The following CNGA3 variants were observed in gnomAD, a reference collection of about 807,000 sequenced individuals.
The protein encoded by CNGA3 is cyclic nucleotide-gated channel alpha-3.
Under a neutral mutation model 46.6 loss-of-function variants are expected in CNGA3, and 42 were observed. The observed-to-expected ratio is 0.90, with a 90% CI of 0.70 to 1.17. The LOEUF (loss-of-function observed/expected upper bound fraction) is 1.17. CNGA3 is among the 50% of genes most tolerant of loss of function. The probability of loss-of-function intolerance (pLI) is 0.00; values close to 1 mark genes in which losing one functional copy is unlikely to be tolerated. For missense variants in CNGA3, 893 were observed against 890.7 expected (o/e 1.00, Z -0.03); for synonymous variants, 394 against 369.4 (o/e 1.07, Z -0.76).
At chr2:98,361,012 TTTTATTTTA>T (rs1471331391) in intron 1 of CNGA3, among the ~76,000 whole-genome samples, 3 of 113,244 alleles carry the variant, frequency 2.6e-5, no homozygotes, top group African/African-American at 9.1e-5. Flanking sequence ...TTTTATTTTA[TTTTATTTTA>T]TTTATTTTAT....
At chr2:98,384,416 G>A (rs76493080) in intron 5 of CNGA3, among the ~76,000 whole-genome samples, 2 of 152,186 alleles carry the variant, frequency 1.3e-5, no homozygotes, top group African/African-American at 4.8e-5. Context: ...ATATCAGTGA[G>A]AAATGCCGAT....
chr2:98,355,773 T>C (rs1225746571), intron 1 of CNGA3: 2 of 152,310 alleles, frequency 1.3e-5, no homozygotes, highest in African/African-American at 4.8e-5. Context: ...AATAAGGCCA[T>C]TTCTATTATT....
At chr2:98,358,592 C>G (rs1558803899) in intron 1 of CNGA3, among the ~76,000 whole-genome samples, 2 of 152,080 alleles carry the variant, frequency 1.3e-5, no homozygotes, top group East Asian at 3.9e-4. Flanking sequence ...CTCCATTGGA[C>G]AAATAATGAA....
At position 98,396,085 on chromosome 2, in the gene CNGA3, C is replaced by G. The variant is rs774303963; in HGVS notation, c.915C>G (p.Asn305Lys). 2.5e-6 allele frequency: 4 copies of G among 1,614,242 alleles called. No individual in the cohort carries two copies. The East Asian group carries it at 6.7e-5, about 27-fold the overall frequency. ...TNYPNMFRIGNLVLYILIIIH... is the reference protein window; with the variant it reads ...TNYPNMFRIGKLVLYILIIIH... ...ACCCCAATATGTTCAGGATTGGGAA[C>G]TTGGTCTTGTACATTCTCATCATCA... The change falls in exon 8 of 8, where the codon AAC (asparagine) becomes AAG (lysine). Residue 305 changes from asparagine (N) to lysine (K), a missense_variant. Coordinates refer to ENST00000272602, the MANE Select transcript of CNGA3 (RefSeq NM_001298.3).
chr2:98,374,590 A>G (rs773743544), intron 2 of CNGA3, among the ~76,000 whole-genome samples: 1 of 152,218 alleles, frequency 6.6e-6, no homozygotes, highest in Non-Finnish European at 1.5e-5. Flanking sequence ...TTTTTTCGGT[A>G]CCTGTGTGTC....
intron 1 of CNGA3, among the ~76,000 whole-genome samples, chr2:98,358,289 G>A (rs766517062): frequency 6.6e-6 from 1 of 152,184 alleles, no homozygotes; most frequent in Non-Finnish European, 1.5e-5. Context: ...AAATAATTAA[G>A]AGTAAAATTT....
chr2:98,365,042 C>T (rs966594418), intron 1 of CNGA3, among the ~76,000 whole-genome samples: 1 of 132,704 alleles, frequency 7.5e-6, no homozygotes, highest in Admixed American at 8.1e-5. Flanking sequence ...CTGCCCTTAA[C>T]ATTTTTTTTT....
At chr2:98,368,483 C>T (rs892510293) in intron 1 of CNGA3, among the ~76,000 whole-genome samples, 41 of 152,238 alleles carry the variant, frequency 2.7e-4, no homozygotes, top group Admixed American at 2.7e-3. Context: ...TGGCCAATCA[C>T]ACCAGCCCTG....
Position 98,397,232 on chromosome 2 carries a change from A to G in CNGA3, c.2062A>G (p.Lys688Glu). Residue 688 changes from lysine (K) to glutamate (E), a missense_variant, in exon 8 of 8, where the codon AAA becomes GAA. Lys to Glu is a moderately conservative substitution (Grantham distance 56). Transcript: ENST00000272602. ...TGGGGAAGTTCCCGGGGATGCTACA[A>G]AAACAGAGGACAAACAACAGTGAAA... Reference protein sequence around the residue: ...ADGEVPGDATKTEDKQQ With the variant: ...ADGEVPGDATETEDKQQ The G allele has an allele frequency of 6.2e-7, 1 of 1,613,874 alleles. No homozygotes were observed. Among genetic ancestry groups the G allele is most frequent in the South Asian group, 1.1e-5 (1 of 91,088 alleles).
rs980089967 is a variant in CNGA3 at position 98,377,790 on chromosome 2, G to A, written c.205G>A (p.Gly69Arg). ...DSGQGSFTGQGIARLSRLIFL... is the reference protein window; with the variant it reads ...DSGQGSFTGQRIARLSRLIFL... The stretch of plus-strand genomic sequence containing the variant: ...CGGGCAGGGCTCCTTCACCGGCCAG[G>A]GGATCGCCAGGTAACTGACCAGCCT... The change falls in exon 3 of 8, where the codon GGG (glycine) becomes AGG (arginine). Residue 69 changes from glycine (G) to arginine (R), a missense_variant. Gly to Arg is a moderately radical substitution (Grantham distance 125, BLOSUM62 -2). Coordinates refer to ENST00000272602, the MANE Select transcript of CNGA3 (RefSeq NM_001298.3). The A allele has an allele frequency of 1.2e-5, 19 of 1,610,612 alleles. No individual in the cohort carries two copies. The highest frequency in any genetic ancestry group is 2.2e-5 in the South Asian group (2 of 90,350).
chr2:98,349,198 G>A (rs915207264), intron 1 of CNGA3, among the ~76,000 whole-genome samples: 1 of 152,088 alleles, frequency 6.6e-6, no homozygotes, highest in African/African-American at 2.4e-5. Flanking sequence ...GGCCTGAAAG[G>A]GAGGCTGGAA....
At chr2:98,369,412 G>A (rs1057381070) in intron 1 of CNGA3, among the ~76,000 whole-genome samples, 2 of 152,208 alleles carry the variant, frequency 1.3e-5, no homozygotes, top group South Asian at 2.1e-4. Flanking sequence ...CAAAGTTACT[G>A]TAAGGATTAA....
intron 1 of CNGA3, among the ~76,000 whole-genome samples, chr2:98,350,240 T>A (rs1380322541): frequency 6.6e-6 from 1 of 152,232 alleles, no homozygotes; most frequent in Non-Finnish European, 1.5e-5. Context: ...ATAATTATAA[T>A]GCCTTCCTCA....
chr2:98,357,511 C>T (rs1691909344), intron 1 of CNGA3, among the ~76,000 whole-genome samples: 1 of 152,188 alleles, frequency 6.6e-6, no homozygotes, highest in East Asian at 1.9e-4. Flanking sequence ...TTTGCACTAC[C>T]TTACCCTCAC....
At chr2:98,390,196 C>T (rs1306180109) in intron 6 of CNGA3, among the ~76,000 whole-genome samples, 1 of 151,520 alleles carries the variant, frequency 6.6e-6, no homozygotes, top group Non-Finnish European at 1.5e-5. Context: ...AGTTCAGTGG[C>T]GCGATCTCAG....
At chr2:98,360,777 G>C (rs1437119539) in intron 1 of CNGA3, among the ~76,000 whole-genome samples, 1 of 152,102 alleles carries the variant, frequency 6.6e-6, no homozygotes, top group African/African-American at 2.4e-5. Context: ...TGTGGCTTCT[G>C]GACCTCACAC....
At chr2:98,356,282 A>G (rs1691878219) in intron 1 of CNGA3, among the ~76,000 whole-genome samples, 1 of 152,164 alleles carries the variant, frequency 6.6e-6, no homozygotes, top group Admixed American at 6.5e-5. Flanking sequence ...GCATTTGTCC[A>G]GGGTGATGCT....
At chr2:98,393,445 C>T (rs1692838033) in intron 7 of CNGA3, among the ~76,000 whole-genome samples, 1 of 152,200 alleles carries the variant, frequency 6.6e-6, no homozygotes, top group Non-Finnish European at 1.5e-5. Context: ...AGTGACTTGT[C>T]CAAAGTCCAC....
At chr2:98,370,143 AC>A in intron 2 of CNGA3, 67 bp downstream of exon 2, 3 of 1,303,606 alleles carry the variant, frequency 2.3e-6, no homozygotes, top group Non-Finnish European at 3.3e-6. Context: ...GCTGATCTAG[AC>A]TGTGGGGGAA....
Sources: allele counts gnomAD v4.1 joint callset (sites outside exome capture counted in the v4.1 genomes callset), GRCh38; gene constraint gnomAD v4.1.1; transcripts MANE v1.5; gene names NCBI Gene and HGNC (gene_info 2026-07-23, HGNC 2026-07-21).